The following STAG1 variants were observed in gnomAD, a reference collection of about 807,000 sequenced individuals.
The protein encoded by STAG1 is STAG1 cohesin complex component.
A neutral mutation model predicts 170.9 loss-of-function variants in STAG1; 26 were observed. That is an observed-to-expected ratio of 0.15 (90% CI 0.11 to 0.21). The LOEUF is 0.21. STAG1 is among the 10% of genes least tolerant of loss of function. The probability of loss-of-function intolerance (pLI) is 1.00; values close to 1 mark genes in which losing one functional copy is unlikely to be tolerated. For missense variants in STAG1, 964 were observed against 1,509.5 expected, an observed-to-expected ratio of 0.64 and a Z score of 5.99; for synonymous variants, 514 against 497.7, an observed-to-expected ratio of 1.03 and a Z score of -0.44.
chr3:136,566,609 T>A (rs557939799), intron 5 of STAG1, among the ~76,000 whole-genome samples: 1 of 152,288 alleles, frequency 6.6e-6, no homozygotes, highest in East Asian at 1.9e-4. Context: ...TGAAGACTAA[T>A]CCAAAATCTT....
At chr3:136,729,932 G>C (rs1418490755) in intron 1 of STAG1, among the ~76,000 whole-genome samples, 3 of 125,948 alleles carry the variant, frequency 2.4e-5, no homozygotes, top group Non-Finnish European at 4.9e-5. Context: ...TCTGTTGCCC[G>C]AGCTGGAGTG....
At chr3:136,506,657 A>G (rs932950444) in intron 7 of STAG1, among the ~76,000 whole-genome samples, 3 of 151,670 alleles carry the variant, frequency 2.0e-5, no homozygotes, top group African/African-American at 7.3e-5. Flanking sequence ...AAAAAAAAAA[A>G]AAAAAGAAAA....
At chr3:136,512,617 T>C (rs558886876) in intron 7 of STAG1, among the ~76,000 whole-genome samples, 2 of 152,216 alleles carry the variant, frequency 1.3e-5, no homozygotes, top group African/African-American at 4.8e-5. Flanking sequence ...GTTTCTTCAT[T>C]CTATCTAACT....
At chr3:136,520,268 G>T (rs987785250) in intron 7 of STAG1, among the ~76,000 whole-genome samples, 1 of 152,052 alleles carries the variant, frequency 6.6e-6, no homozygotes. Context: ...GGTGATTCTG[G>T]TGTGTGCTAA....
In STAG1 at chr3:136,580,521, C is replaced by CTTTTT. The variant is rs760635116; in HGVS notation, c.298-11665_298-11661dup. Among the ~76,000 whole-genome samples, 59 of 100,338 alleles carry CTTTTT rather than the reference C, an allele frequency of 5.9e-4. 2 individuals are homozygous for CTTTTT. Among genetic ancestry groups the CTTTTT allele is most frequent in the Non-Finnish European group, 7.8e-4 (40 of 51,190 alleles). The allele number at this position is 100,338 out of a possible 152,430, so 65.8% of individuals were successfully genotyped here. On this transcript the variant is annotated intron_variant, in intron 4 of 33. Coordinates refer to ENST00000383202, the MANE Select transcript of STAG1 (RefSeq NM_005862.3). ...AGTTTGCATTTATTCTTGTATAATT[C>CTTTTT]TTTTTTTTTTTTTTTTTTTTTTTGA...
chr3:136,388,589 G>A (rs547887516), intron 22 of STAG1, among the ~76,000 whole-genome samples: 1 of 152,138 alleles, frequency 6.6e-6, no homozygotes, highest in Admixed American at 6.5e-5. Context: ...GGCTCATCTC[G>A]AACTCCTGGC....
At chr3:136,742,723 A>G (rs1345971334) in intron 1 of STAG1, among the ~76,000 whole-genome samples, 6 of 151,976 alleles carry the variant, frequency 3.9e-5, no homozygotes, top group African/African-American at 7.3e-5. Context: ...TCAAAAAAAA[A>G]AAAAAGAAAA....
chr3:136,479,263 T>C (rs1326258461), intron 9 of STAG1, among the ~76,000 whole-genome samples: 1 of 118,950 alleles, frequency 8.4e-6, no homozygotes, highest in Non-Finnish European at 1.7e-5. Context: ...GAGTGTGATA[T>C]TCCCCTTCCT....
At chr3:136,464,209 A>C (rs915895807) in intron 13 of STAG1, among the ~76,000 whole-genome samples, 2 of 152,010 alleles carry the variant, frequency 1.3e-5, no homozygotes, top group Non-Finnish European at 2.9e-5. Context: ...GGATTACCTG[A>C]GGTCGGGAGT....
chr3:136,434,708 G>A (rs945788711), intron 15 of STAG1, among the ~76,000 whole-genome samples: 1 of 152,048 alleles, frequency 6.6e-6, no homozygotes, highest in Non-Finnish European at 1.5e-5. Flanking sequence ...CAGGTTTCTT[G>A]TATTGCCTTC....
At chr3:136,690,657 A>G (rs1315679247) in intron 1 of STAG1, among the ~76,000 whole-genome samples, 1 of 152,172 alleles carries the variant, frequency 6.6e-6, no homozygotes, top group Non-Finnish European at 1.5e-5. Context: ...TCTCATCAGA[A>G]GGAAGGGGTA....
At chr3:136,444,245 C>T (rs1177292925) in intron 14 of STAG1, among the ~76,000 whole-genome samples, 2 of 151,974 alleles carry the variant, frequency 1.3e-5, no homozygotes, top group African/African-American at 2.4e-5. Flanking sequence ...GGCTAACTTT[C>T]GTATTTTTGG....
At chr3:136,356,584 G>A (rs558517600) in intron 28 of STAG1, among the ~76,000 whole-genome samples, 11 of 151,974 alleles carry the variant, frequency 7.2e-5, no homozygotes, top group South Asian at 2.1e-4. Context: ...GTCTTGCTAC[G>A]TTGCCAGGAC....
At chr3:136,447,807 C>T (rs573062128) in intron 14 of STAG1, among the ~76,000 whole-genome samples, 4 of 151,890 alleles carry the variant, frequency 2.6e-5, no homozygotes, top group East Asian at 2.0e-4. Flanking sequence ...TTAGTAGAGA[C>T]GGGGTTTCAC....
At chr3:136,541,538 T>TCACACACACACACACACACTCACA (rs1473951429) in intron 6 of STAG1, among the ~76,000 whole-genome samples, 249 of 123,216 alleles carry the variant, frequency 2.0e-3, no homozygotes, top group Middle Eastern at 4.2e-3. Context: ...AGCTTAACAT[T>TCACACACACACACACACACTCACA]CACACACACA....
chr3:136,500,499 G>GTC (rs949993886), intron 8 of STAG1, among the ~76,000 whole-genome samples: 1 of 152,100 alleles, frequency 6.6e-6, no homozygotes, highest in East Asian at 1.9e-4. Context: ...ACTTTTCACT[G>GTC]TCTCTCTCTA....
chr3:136,606,908 C>T (rs1374459251), intron 3 of STAG1, among the ~76,000 whole-genome samples: 1 of 151,850 alleles, frequency 6.6e-6, no homozygotes, highest in Non-Finnish European at 1.5e-5. Context: ...GCCACCACCC[C>T]GGCTAACTTT....
intron 6 of STAG1, among the ~76,000 whole-genome samples, chr3:136,526,713 T>G (rs985680326): frequency 6.6e-6 from 1 of 152,232 alleles, no homozygotes; most frequent in Non-Finnish European, 1.5e-5. Context: ...TTTGGCATGT[T>G]TTTGCAGTGG....
intron 6 of STAG1, among the ~76,000 whole-genome samples, chr3:136,539,683 C>G (rs1935799542): frequency 6.6e-6 from 1 of 152,192 alleles, no homozygotes; most frequent in African/African-American, 2.4e-5. Flanking sequence ...ATTGACTGAA[C>G]AGCCCATAGA....
Sources: allele counts gnomAD v4.1 joint callset (sites outside exome capture counted in the v4.1 genomes callset), GRCh38; gene constraint gnomAD v4.1.1; transcripts MANE v1.5; gene names NCBI Gene and HGNC (gene_info 2026-07-23, HGNC 2026-07-21).